The following STOX2 variants were observed in gnomAD, a reference collection of about 807,000 sequenced individuals.
STOX2 encodes storkhead box 2.
A neutral mutation model predicts 60.9 loss-of-function variants in STOX2; 28 were observed. The ratio of observed to expected loss-of-function variants is 0.46; its 90% CI spans 0.34 to 0.63. STOX2 has a LOEUF of 0.63. Ranked by LOEUF, STOX2 falls within the 30% of genes least tolerant of loss-of-function variation. The pLI, the probability that STOX2 is intolerant of heterozygous loss-of-function variation, is 0.01. For synonymous variants in STOX2, 472 were observed against 463.9 expected, an observed-to-expected ratio of 1.02 and a Z score of -0.22; for missense variants, 1,024 against 1,187.7, an observed-to-expected ratio of 0.86 and a Z score of 2.03.
At chr4:183,939,269 G>C (rs1427535803) in intron 1 of STOX2, among the ~76,000 whole-genome samples, 2 of 152,182 alleles carry the variant, frequency 1.3e-5, no homozygotes, top group Non-Finnish European at 2.9e-5. Flanking sequence ...GTTGGATGTA[G>C]GGGAGATTCC....
intron 1 of STOX2, among the ~76,000 whole-genome samples, chr4:183,799,447 A>G (rs1738710416): frequency 1.3e-5 from 2 of 152,218 alleles, no homozygotes; most frequent in African/African-American, 4.8e-5. Context: ...ATTTATATGC[A>G]CCGTATAGAT....
At chr4:183,931,436 C>G (rs189486469) in intron 1 of STOX2, among the ~76,000 whole-genome samples, 2 of 151,926 alleles carry the variant, frequency 1.3e-5, no homozygotes, top group African/African-American at 4.8e-5. Context: ...AGCCTCCCCC[C>G]ACCAAAAAAA....
chr4:184,016,092 A>G (rs1044797546), intron 3 of STOX2: 3 of 152,228 alleles, frequency 2.0e-5, no homozygotes, highest in Non-Finnish European at 4.4e-5. Flanking sequence ...TAAAAAGAAA[A>G]TACTTCACGT....
rs551894144 is a variant in STOX2 at position 183,936,477 on chromosome 4, G to A, written c.166+29521G>A. 2.7e-5 allele frequency among the ~76,000 whole-genome samples: 4 copies of A among 148,198 alleles called. No individual in the cohort carries two copies. The South Asian group carries it at 8.6e-4, about 32-fold the overall frequency. On this transcript the variant is annotated intron_variant, in intron 1 of 3. Coordinates refer to ENST00000308497, the MANE Select transcript of STOX2 (RefSeq NM_020225.3). ...TGGCGTCAGTATCTTTTACTTTATTGTAAGGCCTGATAGTATCTTTTTTTT... is the reference window on the plus strand; with the variant it reads ...TGGCGTCAGTATCTTTTACTTTATTATAAGGCCTGATAGTATCTTTTTTTT...
At chr4:184,006,667 A>AAC (rs1733843061) in intron 2 of STOX2, among the ~76,000 whole-genome samples, 1 of 125,900 alleles carries the variant, frequency 7.9e-6, no homozygotes, top group African/African-American at 3.2e-5. Context: ...CAGCCTGCGC[A>AAC]AGGGTGAGAC....
chr4:183,939,697 C>G (rs571420739), intron 1 of STOX2, among the ~76,000 whole-genome samples: 2 of 152,032 alleles, frequency 1.3e-5, no homozygotes, highest in Admixed American at 1.3e-4. Flanking sequence ...AGAGTGACAC[C>G]TTTGGGTTGG....
At chr4:183,965,817 TAG>T (rs1437133909) in intron 1 of STOX2, among the ~76,000 whole-genome samples, 4 of 151,816 alleles carry the variant, frequency 2.6e-5, no homozygotes, top group Non-Finnish European at 5.9e-5. Context: ...AGAGAGTGAG[TAG>T]AGTGGCTCTG....
Position 184,011,768 on chromosome 4 carries a change from G to T in STOX2, c.2585+345G>T. On this transcript the variant is annotated intron_variant, in intron 3 of 3. Transcript: ENST00000308497. The surrounding 1 kb of genome is among the most constrained non-coding windows in gnomAD (Gnocchi z 4.4). The stretch of plus-strand genomic sequence containing the variant: ...ATGTTTTTTAAGTCCTTCAAAAATA[G>T]TAACTTTTTGAGTAGAATAAATAGT... 4.1e-6 allele frequency: 2 copies of T among 487,208 alleles called. No individual in the cohort carries two copies. Among genetic ancestry groups the T allele is most frequent in the Non-Finnish European group, 6.6e-6 (2 of 304,172 alleles). The allele number at this position is 487,208 out of a possible 1,614,324, so 30.2% of individuals were successfully genotyped here. A position where few individuals can be genotyped will look rare whatever the true frequency, so the allele number is the denominator to read the frequency against.
intron 1 of STOX2, among the ~76,000 whole-genome samples, chr4:183,917,516 A>T (rs1741965673): frequency 6.6e-6 from 1 of 152,252 alleles, no homozygotes; most frequent in Non-Finnish European, 1.5e-5. Flanking sequence ...TAACCTAGTG[A>T]ACTCATTTGG....
chr4:183,926,219 G>T (rs535020798), intron 1 of STOX2, among the ~76,000 whole-genome samples: 52 of 152,198 alleles, frequency 3.4e-4, no homozygotes, highest in African/African-American at 1.2e-3. Flanking sequence ...ATTAAAAAGT[G>T]CAGATTTTAA....
intron 1 of STOX2, among the ~76,000 whole-genome samples, chr4:183,805,860 C>T (rs1016796980): frequency 1.3e-5 from 2 of 152,178 alleles, no homozygotes; most frequent in Non-Finnish European, 2.9e-5. Flanking sequence ...GTGGGATGAG[C>T]TGGCTTAAAC....
At chr4:183,877,127 T>C (rs1740847559) in intron 1 of STOX2, among the ~76,000 whole-genome samples, 1 of 152,086 alleles carries the variant, frequency 6.6e-6, no homozygotes. Context: ...CTAAAAAAAT[T>C]ATATGTGGGC....
intron 1 of STOX2, among the ~76,000 whole-genome samples, chr4:183,866,699 C>T (rs1047122228): frequency 3.3e-5 from 5 of 152,134 alleles, no homozygotes; most frequent in Admixed American, 3.3e-4. Context: ...TCTAAAACTT[C>T]AACACTTTGT....
At chr4:183,844,608 CATTG>C (rs1267267224) in intron 1 of STOX2, among the ~76,000 whole-genome samples, 2 of 151,976 alleles carry the variant, frequency 1.3e-5, no homozygotes, top group African/African-American at 4.8e-5. Flanking sequence ...TAAAATAAGC[CATTG>C]ATTGTGTTAA....
At chr4:183,944,573 G>A (rs1032139913) in intron 1 of STOX2, among the ~76,000 whole-genome samples, 1 of 152,196 alleles carries the variant, frequency 6.6e-6, no homozygotes, top group Non-Finnish European at 1.5e-5. Flanking sequence ...AGTTAGTCAA[G>A]CGTGGTGGCG....
At chr4:183,841,142 G>A (rs916417855) in intron 1 of STOX2, among the ~76,000 whole-genome samples, 3 of 152,080 alleles carry the variant, frequency 2.0e-5, no homozygotes, top group Admixed American at 6.5e-5. Context: ...TGGGATTACA[G>A]GCGTGTGTCA....
chr4:183,952,670 G>A (rs1335111839), intron 1 of STOX2, among the ~76,000 whole-genome samples: 2 of 152,214 alleles, frequency 1.3e-5, no homozygotes, highest in African/African-American at 2.4e-5. Context: ...CACCAATTTT[G>A]TGATACTTGG....
At chr4:183,969,965 G>C (rs1743691914) in intron 1 of STOX2, among the ~76,000 whole-genome samples, 1 of 152,108 alleles carries the variant, frequency 6.6e-6, no homozygotes, top group Admixed American at 6.5e-5. Flanking sequence ...TCTTGTGTTG[G>C]GGAAACTATT....
chr4:183,991,656 T>C (rs1481945046), intron 1 of STOX2, among the ~76,000 whole-genome samples: 2 of 152,280 alleles, frequency 1.3e-5, no homozygotes, highest in East Asian at 3.9e-4. Flanking sequence ...CTTGAACTCC[T>C]GACCTGATCC....
Sources: gnomAD v4.1 joint callset for allele counts (sites outside exome capture counted in the v4.1 genomes callset) on GRCh38, gnomAD v4.1.1 for gene constraint, Gnocchi (gnomAD v3.1) non-coding constraint, MANE v1.5 for transcripts, NCBI Gene and HGNC (gene_info 2026-07-23, HGNC 2026-07-21) for gene names.